Variants in MYH7B observed in about 807,000 individuals in gnomAD.
The protein encoded by MYH7B is myosin heavy chain 7B, also known as myosin-7B.
A neutral mutation model predicts 234.5 loss-of-function variants in MYH7B; 205 were observed. The observed-to-expected ratio is 0.87, with a 90% CI of 0.78 to 0.98. MYH7B has a LOEUF of 0.98. Among genes scored for constraint, MYH7B ranks in the 50% least tolerant of loss-of-function variants. The pLI is 0.00. For missense variants in MYH7B, 2,652 were observed against 2,633.4 expected (o/e 1.01, Z -0.15); for synonymous variants, 1,193 against 1,105.0 (o/e 1.08, Z -1.58).
At chr20:34,993,376 C>G in exon 26 of MYH7B, 1 of 1,613,786 alleles carries the variant, frequency 6.2e-7, no homozygotes, top group Admixed American at 1.7e-5. Context: ...GGAAGAGCTC[C>G]GTGACCAGCG....
intron 9 of MYH7B, chr20:34,981,441 C>A (rs2081939854): frequency 4.1e-6 from 1 of 242,646 alleles, no homozygotes; most frequent in Non-Finnish European, 7.9e-6. Context: ...TACCTCTGAT[C>A]TTTCCATTGC....
chr20:34,959,582 A>G (rs1481931851), intron 2 of MYH7B, among the ~76,000 whole-genome samples: 3 of 151,280 alleles, frequency 2.0e-5, no homozygotes, highest in African/African-American at 2.4e-5. Context: ...GGTTCAGGCA[A>G]TTCTCCTGCC....
intron 3 of MYH7B, among the ~76,000 whole-genome samples, chr20:34,976,562 C>A (rs1343733287): frequency 1.3e-5 from 2 of 152,254 alleles, no homozygotes; most frequent in African/African-American, 4.8e-5. Flanking sequence ...GCGCCCTGAA[C>A]CTCTGTCGAG....
intron 43 of MYH7B, 191 bp downstream of exon 43, chr20:35,001,717 C>CAGA: frequency 1.2e-6 from 1 of 838,624 alleles, no homozygotes; most frequent in Non-Finnish European, 1.8e-6. Flanking sequence ...TGTGCTTTCC[C>CAGA]CTGGCCAAGG....
At chr20:34,987,472 C>A in intron 16 of MYH7B, 85 bp from the exon 17 acceptor site, 1 of 1,429,904 alleles carries the variant, frequency 7.0e-7, no homozygotes, top group Non-Finnish European at 9.7e-7. Context: ...CTTAACTTCC[C>A]TCTCCTAGCC....
At chr20:34,971,058 A>C (rs1476967071) in intron 2 of MYH7B, among the ~76,000 whole-genome samples, 1 of 152,070 alleles carries the variant, frequency 6.6e-6, no homozygotes, top group Non-Finnish European at 1.5e-5. Context: ...TGTTCATGTT[A>C]ATCACTCTTG....
rs1195480951 is a variant in MYH7B, at chr20:34,987,051, C to T, written c.1008+62C>T. The T allele has an allele frequency of 2.3e-5, 37 of 1,608,050 alleles. No individual in the cohort carries two copies. The South Asian group carries it at 2.5e-4, about 11-fold the overall frequency. On this transcript the variant is annotated intron_variant, in intron 15 of 44. Transcript: ENST00000262873. The stretch of plus-strand genomic sequence containing the variant: ...CTGTGGTGGAATCGGGCAGCACTGC[C>T]GGTGCCCCCAGCTGCATGAATGGTC...
At chr20:35,001,969 C>T in exon 44 of MYH7B, 1 of 1,613,636 alleles carries the variant, frequency 6.2e-7, no homozygotes, top group Non-Finnish European at 8.5e-7. Flanking sequence ...CAACACCAAC[C>T]TGGCCAAGTA....
At chr20:34,996,873 G>A in intron 30 of MYH7B, 115 bp downstream of exon 30, 3 of 1,445,512 alleles carry the variant, frequency 2.1e-6, no homozygotes, top group South Asian at 2.7e-5. Context: ...GGGGTTGACA[G>A]ATGGGGCACT....
At chr20:34,966,580 T>G (rs944913586) in intron 2 of MYH7B, among the ~76,000 whole-genome samples, 1 of 152,150 alleles carries the variant, frequency 6.6e-6, no homozygotes, top group Non-Finnish European at 1.5e-5. Context: ...ACACGGGTGA[T>G]GAAGTCGTAT....
intron 2 of MYH7B, among the ~76,000 whole-genome samples, chr20:34,970,768 G>C (rs1315402722): frequency 6.6e-6 from 1 of 152,190 alleles, no homozygotes; most frequent in Non-Finnish European, 1.5e-5. Flanking sequence ...CTCGGCTCTA[G>C]AGATAAAGAG....
At chr20:35,002,129 G>A (rs754431271) in intron 44 of MYH7B, 44 bp downstream of exon 44, 5 of 1,608,374 alleles carry the variant, frequency 3.1e-6, no homozygotes, top group Non-Finnish European at 4.2e-6. Context: ...GGGGGACTGT[G>A]GGGGCTGACA....
intron 38 of MYH7B, 75 bp downstream of exon 38, chr20:34,999,981 G>A (rs1372374185): frequency 3.7e-6 from 5 of 1,356,082 alleles, no homozygotes; most frequent in Non-Finnish European, 5.2e-6. Context: ...CTGCTCTCTA[G>A]TCTGTCCCTC....
chr20:34,958,044 C>A (rs2081658395), intron 1 of MYH7B, among the ~76,000 whole-genome samples, 54 bp from the exon 2 acceptor site: 1 of 152,180 alleles, frequency 6.6e-6, no homozygotes, highest in African/African-American at 2.4e-5. Flanking sequence ...GAAGCTATTT[C>A]TAGTGCAGCA....
chr20:34,992,860 G>C (rs1053107355), intron 24 of MYH7B, among the ~76,000 whole-genome samples: 1 of 152,124 alleles, frequency 6.6e-6, no homozygotes, highest in African/African-American at 2.4e-5. Context: ...GTGAGCCACC[G>C]CACCCAGCCA....
At chr20:34,980,336 G>A in intron 7 of MYH7B, 1 of 433,976 alleles carries the variant, frequency 2.3e-6, no homozygotes, top group Non-Finnish European at 4.2e-6. Context: ...ATCACCTGAC[G>A]TCAGAAGTTC....
At chr20:34,956,659 T>G (rs570563113) in intron 1 of MYH7B, among the ~76,000 whole-genome samples, 4 of 152,310 alleles carry the variant, frequency 2.6e-5, no homozygotes, top group South Asian at 2.1e-4. Flanking sequence ...GGATGGTTTT[T>G]GGGGTCTTGA....
Position 34,995,472 on chromosome 20 carries a change from G to A in MYH7B, c.2837G>A (p.Arg946His), listed in dbSNP as rs761134684. The A allele has an allele frequency of 1.2e-5, 19 of 1,613,938 alleles. No homozygotes were observed. Among genetic ancestry groups the A allele is most frequent in the African/African-American group, 5.3e-5 (4 of 74,942 alleles). The change falls in exon 28 of 45, where the codon CGC (arginine) becomes CAC (histidine). Residue 946 changes from arginine (R) to histidine (H), a missense_variant. Transcript: ENST00000262873. ...GAGGTGAACGCTGACCTGGCCGCCC[G>A]CCGGCGCAAGCTGGAGGACGAGTGC...
At chr20:34,967,629 T>G (rs1370540562) in intron 2 of MYH7B, among the ~76,000 whole-genome samples, 1 of 152,108 alleles carries the variant, frequency 6.6e-6, no homozygotes, top group African/African-American at 2.4e-5. Context: ...TCCACCAGGT[T>G]AGGTAAGGAC....
Sources: allele counts gnomAD v4.1 joint callset (sites outside exome capture counted in the v4.1 genomes callset), GRCh38; gene constraint gnomAD v4.1.1; transcripts MANE v1.5; gene names NCBI Gene and HGNC (gene_info 2026-07-23, HGNC 2026-07-21).